The following SLC22A23 variants were observed in gnomAD, a reference collection of about 807,000 sequenced individuals.
The protein encoded by SLC22A23 is solute carrier family 22 member 23.
SLC22A23 carries 26 observed loss-of-function variants against 61.0 expected under a neutral mutation model. The observed-to-expected ratio is 0.43, with a 90% CI of 0.31 to 0.59. The LOEUF (loss-of-function observed/expected upper bound fraction) is 0.59, where lower values mean the gene tolerates loss of function less well. Ranked by LOEUF, SLC22A23 falls within the 20% of genes least tolerant of loss-of-function variation. The pLI, the probability that SLC22A23 is intolerant of heterozygous loss-of-function variation, is 0.11. For synonymous variants in SLC22A23, 430 were observed against 413.9 expected (o/e 1.04, Z -0.47); for missense variants, 796 against 934.7 (o/e 0.85, Z 1.94).
At chr6:3,364,879 C>T (rs1765702759) in intron 3 of SLC22A23, among the ~76,000 whole-genome samples, 1 of 152,138 alleles carries the variant, frequency 6.6e-6, no homozygotes, top group South Asian at 2.1e-4. Flanking sequence ...GGAAAGCTCA[C>T]TCTGGCGGTG....
At chr6:3,396,983 G>T (rs554222103) in intron 3 of SLC22A23, among the ~76,000 whole-genome samples, 2 of 152,192 alleles carry the variant, frequency 1.3e-5, no homozygotes, top group Non-Finnish European at 2.9e-5. Context: ...GCCTTCCGAT[G>T]GCTAAACTAA....
At chr6:3,316,650 T>C (rs1762659248) in intron 4 of SLC22A23, among the ~76,000 whole-genome samples, 1 of 152,182 alleles carries the variant, frequency 6.6e-6, no homozygotes, top group South Asian at 2.1e-4. Flanking sequence ...GCACGTTGTT[T>C]TTTAAGAGAT....
rs974104674 is a variant in SLC22A23 at position 3,309,662 on chromosome 6, A to C, written c.1083-11444T>G. ...CGGGCCAGCTGCACACAGGCGTTCC[A>C]GCCTCCTTGGTGGTACAGGAGCTTC... is the stretch of plus-strand genomic sequence containing the variant. On this transcript the variant is annotated intron_variant, in intron 4 of 9. Coordinates refer to ENST00000406686, the MANE Select transcript of SLC22A23 (RefSeq NM_015482.2). The surrounding 1 kb of genome is among the most constrained non-coding windows in gnomAD (Gnocchi z 4.7). Among the ~76,000 whole-genome samples the C allele has an allele frequency of 6.6e-6, 1 of 152,244 alleles. No individual in the cohort carries two copies. The highest frequency in any genetic ancestry group is 2.4e-5 in the African/African-American group (1 of 41,466).
chr6:3,283,929 G>A lies in SLC22A23; in HGVS notation c.1626C>T (p.Ile542=), dbSNP rs114978759. The change falls in exon 9 of 10, where the codon ATC becomes ATT. Residue 542 remains isoleucine (I), a synonymous_variant. Transcript: ENST00000406686. The stretch of plus-strand genomic sequence containing the variant: ...CCGCATGGGAGGCAAACATGCCCAC[G>A]ATGGAAAACGCGATGGAAAATTTGT... ...VKDKFSIAFS[I]VGMFASHAVG... 2.1e-3 allele frequency: 3,330 copies of A among 1,609,304 alleles called. 7 individuals carry two copies. The highest frequency in any genetic ancestry group is 2.5e-3 in the Non-Finnish European group (2,932 of 1,176,004).
At position 3,386,072 on chromosome 6, in the gene SLC22A23, C is replaced by A. The variant is rs1446672827; in HGVS notation, c.913+24116G>T. Among the ~76,000 whole-genome samples, 1 of 152,208 alleles carries A rather than the reference C, an allele frequency of 6.6e-6. No individual in the cohort carries two copies. The highest frequency in any genetic ancestry group is 6.5e-5 in the Admixed American group (1 of 15,282). The stretch of plus-strand genomic sequence containing the variant: ...GCGGCTCTCAAATTCCCCATTCATG[C>A]CCATTCCTGTGGTCACTGATGAGGG... On this transcript the variant is annotated intron_variant, in intron 3 of 9. Transcript: ENST00000406686. The surrounding 1 kb of genome is among the most constrained non-coding windows in gnomAD (Gnocchi z 4.4).
Position 3,456,687 on chromosome 6 carries a change from A to G in SLC22A23, c.-128T>C. ...CCGAGGAGGGCCCGCGGCTCGAGAG[A>G]GAGCGCTCGGCGGCTCCGGGTGCGT... On this transcript the variant is annotated 5_prime_UTR_variant, in exon 1 of 10. Transcript: ENST00000406686. This position sits in a 1 kb window ranked among gnomAD's most constrained non-coding sequence, Gnocchi z 7.1. The G allele has an allele frequency of 1.7e-6, 1 of 594,750 alleles. No homozygotes were observed. Among genetic ancestry groups the G allele is most frequent in the Non-Finnish European group, 2.1e-6 (1 of 475,794 alleles). 36.8% of individuals were successfully genotyped at this position (594,750 alleles called of 1,614,324 possible).
chr6:3,338,929 G>A lies in SLC22A23; in HGVS notation c.914-14927C>T, dbSNP rs551040335. Among the ~76,000 whole-genome samples the A allele has an allele frequency of 4.6e-5, 7 of 152,334 alleles. 1 individual carries two copies. In the East Asian group the frequency reaches 1.3e-3, roughly 29 times the overall value. On this transcript the variant is annotated intron_variant, in intron 3 of 9. Transcript: ENST00000406686. ...TGACCAGATGGGGAACATGGAGCAA[G>A]AGAGGTCCAAAGGAGGTACCCAGGA...
chr6:3,371,939 T>C (rs1005307017), intron 3 of SLC22A23, among the ~76,000 whole-genome samples: 2 of 152,052 alleles, frequency 1.3e-5, no homozygotes, highest in African/African-American at 2.4e-5. Flanking sequence ...GATTCACAAA[T>C]GCTCAAGAGT....
chr6:3,354,331 A>G (rs951801847), intron 3 of SLC22A23, among the ~76,000 whole-genome samples: 6 of 152,234 alleles, frequency 3.9e-5, no homozygotes, highest in African/African-American at 1.2e-4. Context: ...AAAGGCACTC[A>G]CAGACTTTTC....
intron 1 of SLC22A23, among the ~76,000 whole-genome samples, chr6:3,442,031 G>A (rs956876421): frequency 6.6e-5 from 10 of 152,236 alleles, no homozygotes; most frequent in African/African-American, 2.4e-4. Flanking sequence ...CGACCCAAGT[G>A]TCTGCCGATG....
chr6:3,292,703 G>A (rs538841996), intron 5 of SLC22A23, among the ~76,000 whole-genome samples: 13 of 152,382 alleles, frequency 8.5e-5, no homozygotes, highest in Non-Finnish European at 1.6e-4. Flanking sequence ...AGCCTGGGCA[G>A]GAACCCAGCT....
chr6:3,348,230 T>C (rs1382988363), intron 3 of SLC22A23, among the ~76,000 whole-genome samples: 1 of 152,128 alleles, frequency 6.6e-6, no homozygotes, highest in East Asian at 1.9e-4. Context: ...CGGAAGGATG[T>C]GGGGATGTGG....
intron 1 of SLC22A23, among the ~76,000 whole-genome samples, chr6:3,424,376 G>A (rs1220807805): frequency 6.6e-6 from 1 of 152,160 alleles, no homozygotes; most frequent in African/African-American, 2.4e-5. Context: ...TATGTCACCT[G>A]TCAGTCAAAG....
rs915459716 is a variant in SLC22A23 at position 3,390,952 on chromosome 6, C to T, written c.913+19236G>A. On this transcript the variant is annotated intron_variant, in intron 3 of 9. Coordinates refer to ENST00000406686, the MANE Select transcript of SLC22A23 (RefSeq NM_015482.2). This position sits in a 1 kb window ranked among gnomAD's most constrained non-coding sequence, Gnocchi z 4.0. ...CTTTTTCCGTGAATTTGGTCAACTG[C>T]CTGAATGGAATGAAGAGAATCATAC... 6.6e-6 allele frequency among the ~76,000 whole-genome samples: 1 copy of T among 152,122 alleles called. No homozygotes were observed. Among genetic ancestry groups the T allele is most frequent in the Admixed American group, 6.5e-5 (1 of 15,278 alleles).
chr6:3,298,646 A>G (rs927150937), intron 4 of SLC22A23, among the ~76,000 whole-genome samples: 2 of 152,184 alleles, frequency 1.3e-5, no homozygotes, highest in Admixed American at 6.5e-5. Context: ...AGCTACTAAT[A>G]ATATACAGTT....
Position 3,327,043 on chromosome 6 carries a change from G to A in SLC22A23, c.914-3041C>T, listed in dbSNP as rs537092865. Among the ~76,000 whole-genome samples, 316 of 151,836 alleles carry A rather than the reference G, an allele frequency of 2.1e-3. 1 individual carries two copies. The highest frequency in any genetic ancestry group is 0.01 in the Middle Eastern group (3 of 294). On this transcript the variant is annotated intron_variant, in intron 3 of 9. Coordinates refer to ENST00000406686, the MANE Select transcript of SLC22A23 (RefSeq NM_015482.2). The surrounding 1 kb of genome is among the most constrained non-coding windows in gnomAD (Gnocchi z 4.1). ...ACTGCAGGTGGATCGTTTCTGCTGG[G>A]AGGGACGGGGACTGCAGGTGGATCG...
rs13194810 is a variant in SLC22A23, at chr6:3,276,810, T to C, written c.1704-3398A>G. The C allele has an allele frequency of 9.4e-3, 1,426 of 152,280 alleles. 29 individuals are homozygous for C. Among genetic ancestry groups the C allele is most frequent in the South Asian group, 0.076 (368 of 4,816 alleles). 9.4% of individuals were successfully genotyped at this position (152,280 alleles called of 1,614,324 possible). On this transcript the variant is annotated intron_variant, in intron 9 of 9. Coordinates refer to ENST00000406686, the MANE Select transcript of SLC22A23 (RefSeq NM_015482.2). ...CAGCCATTAGCCTCCAAGCCTTGAG[T>C]AAACCCACATAAAAAGAGCCAGCCC...
chr6:3,321,957 T>C (rs940017491), intron 4 of SLC22A23, among the ~76,000 whole-genome samples: 4 of 125,256 alleles, frequency 3.2e-5, no homozygotes, highest in Admixed American at 2.2e-4. Flanking sequence ...GGTGGCAAAA[T>C]ATTGAAAGTT....
chr6:3,447,840 G>A (rs192036185), intron 1 of SLC22A23, among the ~76,000 whole-genome samples: 30 of 149,890 alleles, frequency 2.0e-4, no homozygotes, highest in Admixed American at 6.0e-4. Context: ...CACCCACCTC[G>A]GCCTCCCAAA....
Sources: gnomAD v4.1 joint callset for allele counts (sites outside exome capture counted in the v4.1 genomes callset) on GRCh38, gnomAD v4.1.1 for gene constraint, Gnocchi (gnomAD v3.1) non-coding constraint, MANE v1.5 for transcripts, NCBI Gene and HGNC (gene_info 2026-07-23, HGNC 2026-07-21) for gene names.